ASIC2: variants seen among roughly 807,000 people sequenced by gnomAD.
ASIC2 encodes the protein acid-sensing ion channel 2.
ASIC2 carries 25 observed loss-of-function variants against 57.3 expected under a neutral mutation model. That is an observed-to-expected ratio of 0.44 (90% CI 0.32 to 0.61). The LOEUF (loss-of-function observed/expected upper bound fraction) is 0.61, where lower values mean the gene tolerates loss of function less well. Among genes scored for constraint, ASIC2 ranks in the 20% least tolerant of loss-of-function variants. ASIC2 has a pLI of 0.06. For synonymous variants in ASIC2, 319 were observed against 307.5 expected (o/e 1.04, Z -0.39); for missense variants, 641 against 738.1 (o/e 0.87, Z 1.52).
chr17:34,070,015 A>G (rs919095933), intron 1 of ASIC2: 1 of 152,104 alleles, frequency 6.6e-6, no homozygotes, highest in African/African-American at 2.4e-5. Context: ...CATAGTAGGT[A>G]TACTGGCTGA....
chr17:34,120,420 C>T (rs1367796755), intron 1 of ASIC2, among the ~76,000 whole-genome samples: 1 of 151,834 alleles, frequency 6.6e-6, no homozygotes, highest in Non-Finnish European at 1.5e-5. Flanking sequence ...GCATATGGCT[C>T]ATTTAGATGA....
At chr17:34,129,247 G>A (rs537579175) in intron 1 of ASIC2, among the ~76,000 whole-genome samples, 2 of 152,256 alleles carry the variant, frequency 1.3e-5, no homozygotes, top group Admixed American at 6.5e-5. Flanking sequence ...ATCACCCCAC[G>A]TACAGGTGTG....
At chr17:33,279,848 C>T (rs1016661978) in intron 1 of ASIC2, among the ~76,000 whole-genome samples, 3 of 152,116 alleles carry the variant, frequency 2.0e-5, no homozygotes, top group African/African-American at 4.8e-5. Context: ...CTTCGGTTTC[C>T]TCATTGGTAA....
chr17:33,616,780 G>A (rs1273938600), intron 1 of ASIC2, among the ~76,000 whole-genome samples: 4 of 152,236 alleles, frequency 2.6e-5, no homozygotes, highest in Non-Finnish European at 5.9e-5. Flanking sequence ...TGAGATAGAA[G>A]AGCAGAAGAA....
At chr17:33,733,498 G>A (rs1909811276) in intron 1 of ASIC2, among the ~76,000 whole-genome samples, 1 of 152,144 alleles carries the variant, frequency 6.6e-6, no homozygotes, top group African/African-American at 2.4e-5. Flanking sequence ...GAGAGGGTGA[G>A]GGAGAGAAGA....
intron 1 of ASIC2, among the ~76,000 whole-genome samples, chr17:33,838,808 TTATAG>T (rs1913345340): frequency 6.6e-6 from 1 of 152,126 alleles, no homozygotes; most frequent in Admixed American, 6.6e-5. Flanking sequence ...CAACCAAATG[TTATAG>T]TCTCTGAGGT....
chr17:33,102,434 C>T (rs1027384143), intron 2 of ASIC2, among the ~76,000 whole-genome samples: 4 of 152,192 alleles, frequency 2.6e-5, no homozygotes, highest in African/African-American at 9.7e-5. Context: ...CTGAATTTCA[C>T]CAGGATGTGT....
At chr17:34,075,065 G>A (rs757557425) in intron 1 of ASIC2, among the ~76,000 whole-genome samples, 3 of 152,080 alleles carry the variant, frequency 2.0e-5, no homozygotes, top group Non-Finnish European at 4.4e-5. Context: ...GATTACAGGC[G>A]TGAGCCACCG....
At chr17:33,697,129 C>A (rs1438723929) in intron 1 of ASIC2, among the ~76,000 whole-genome samples, 1 of 152,182 alleles carries the variant, frequency 6.6e-6, no homozygotes, top group East Asian at 1.9e-4. Context: ...CCCCCTTTGC[C>A]TTCCACCATT....
intron 1 of ASIC2, among the ~76,000 whole-genome samples, chr17:33,244,391 T>G (rs190814668): frequency 1.3e-5 from 2 of 152,352 alleles, no homozygotes; most frequent in Admixed American, 1.3e-4. Flanking sequence ...ATTTACATCA[T>G]TTGGTGATCT....
intron 1 of ASIC2, among the ~76,000 whole-genome samples, chr17:33,267,078 T>C (rs1162883126): frequency 6.6e-6 from 1 of 152,090 alleles, no homozygotes; most frequent in African/African-American, 2.4e-5. Context: ...GACTTTAACA[T>C]GGGTAGAAGT....
At chr17:33,855,510 A>G (rs79054823) in intron 1 of ASIC2, among the ~76,000 whole-genome samples, 11,752 of 152,256 alleles carry the variant, frequency 0.077, 597 homozygotes, top group Admixed American at 0.12. Flanking sequence ...TACACAGTTA[A>G]GAGGATAATT....
intron 1 of ASIC2, among the ~76,000 whole-genome samples, chr17:33,492,149 C>T (rs142852931): frequency 9.7e-4 from 147 of 152,316 alleles, no homozygotes; most frequent in African/African-American, 3.2e-3. Context: ...ACACAGCTAG[C>T]ATGTATTAAG....
At chr17:33,881,869 G>A (rs985612024) in intron 1 of ASIC2, among the ~76,000 whole-genome samples, 6 of 152,148 alleles carry the variant, frequency 3.9e-5, no homozygotes, top group Admixed American at 1.3e-4. Flanking sequence ...ATACTGCAAG[G>A]CTACAGTAAC....
At chr17:33,795,972 T>G (rs989351318) in intron 1 of ASIC2, among the ~76,000 whole-genome samples, 3 of 152,236 alleles carry the variant, frequency 2.0e-5, no homozygotes, top group Non-Finnish European at 4.4e-5. Context: ...TCTGGGAGAA[T>G]TCCAGTAGAT....
At chr17:33,194,763 C>G (rs1490679081) in intron 1 of ASIC2, among the ~76,000 whole-genome samples, 1 of 152,160 alleles carries the variant, frequency 6.6e-6, no homozygotes, top group Non-Finnish European at 1.5e-5. Flanking sequence ...AAAACCAAGA[C>G]CACTGGCAAA....
chr17:33,828,537 T>G (rs968605893), intron 1 of ASIC2: 2 of 152,198 alleles, frequency 1.3e-5, no homozygotes, highest in African/African-American at 4.8e-5. Flanking sequence ...GAAGAATATA[T>G]GAAGAGCTGG....
At chr17:33,160,089 A>G (rs1324571700) in intron 1 of ASIC2, among the ~76,000 whole-genome samples, 2 of 152,072 alleles carry the variant, frequency 1.3e-5, no homozygotes, top group African/African-American at 4.8e-5. Flanking sequence ...CACACCTGTA[A>G]TCCCAGCCAG....
chr17:33,512,229 G>C (rs912604036), intron 1 of ASIC2, among the ~76,000 whole-genome samples: 2 of 152,206 alleles, frequency 1.3e-5, no homozygotes, highest in Non-Finnish European at 2.9e-5. Context: ...TATGCTGAAA[G>C]AGAAGCATCT....
Sources: gnomAD v4.1 joint callset for allele counts (sites outside exome capture counted in the v4.1 genomes callset) on GRCh38, gnomAD v4.1.1 for gene constraint, MANE v1.5 for transcripts, NCBI Gene and HGNC (gene_info 2026-07-23, HGNC 2026-07-21) for gene names.